Variants in UBA6 observed in about 807,000 individuals in gnomAD.
The protein encoded by UBA6 is ubiquitin-like modifier-activating enzyme 6.
Under a neutral mutation model 148.3 loss-of-function variants are expected in UBA6, and 87 were observed. The observed-to-expected ratio is 0.59, with a 90% CI of 0.49 to 0.70. The LOEUF is 0.70. Among genes scored for constraint, UBA6 ranks in the 30% least tolerant of loss-of-function variants. The pLI, the probability that UBA6 is intolerant of heterozygous loss-of-function variation, is 0.00. For synonymous variants in UBA6, 376 were observed against 401.0 expected (o/e 0.94, Z 0.75); for missense variants, 1,186 against 1,241.2 (o/e 0.96, Z 0.67).
intron 6 of UBA6, 129 bp from the exon 7 acceptor site, chr4:67,673,906 C>G (rs1276741275): frequency 5.8e-6 from 3 of 520,988 alleles, no homozygotes; most frequent in Non-Finnish European, 9.9e-6. Context: ...AAGTTATAAT[C>G]CTACGGAATT....
At chr4:67,657,218 T>C (rs1001629752) in intron 13 of UBA6, among the ~76,000 whole-genome samples, 67 of 152,334 alleles carry the variant, frequency 4.4e-4, no homozygotes, top group African/African-American at 1.6e-3. Flanking sequence ...AGAGCCTGCA[T>C]AGCCAAGACA....
At chr4:67,674,189 C>A (rs1730220166) in intron 6 of UBA6, among the ~76,000 whole-genome samples, 1 of 152,170 alleles carries the variant, frequency 6.6e-6, no homozygotes, top group Non-Finnish European at 1.5e-5. Context: ...TAGTTGGCTA[C>A]TAGAACATGT....
At chr4:67,669,923 G>A (rs1730099137) in intron 8 of UBA6, among the ~76,000 whole-genome samples, 2 of 151,702 alleles carry the variant, frequency 1.3e-5, no homozygotes, top group African/African-American at 4.8e-5. Context: ...ACAAGCAAAT[G>A]TTGCTCTATC....
intron 30 of UBA6, 67 bp from the exon 31 acceptor site, chr4:67,623,289 C>CACA (rs1553904480): frequency 2.7e-6 from 3 of 1,122,886 alleles, no homozygotes; most frequent in Non-Finnish European, 3.9e-6. Flanking sequence ...GACACACACA[C>CACA]AAAAAAAACC....
chr4:67,648,422 C>T (rs556789509), intron 14 of UBA6, among the ~76,000 whole-genome samples: 6 of 148,074 alleles, frequency 4.1e-5, no homozygotes, highest in East Asian at 2.0e-4. Context: ...GAGCTAACAT[C>T]GCGCCATTGC....
rs1247658398 is a variant in UBA6 at position 67,618,019 on chromosome 4, A to G, written c.*978T>C. On this transcript the variant is annotated 3_prime_UTR_variant, in exon 33 of 33. Coordinates refer to ENST00000322244, the MANE Select transcript of UBA6 (RefSeq NM_018227.6). ...CCTTTCTGGGAATGGGAATGAAATA[A>G]CATGCTTCTGTTTAAAAAAAAAAAA... 1 of 150,226 alleles carries G rather than the reference A, an allele frequency of 6.7e-6. No homozygotes were observed. The highest frequency in any genetic ancestry group is 6.7e-5 in the Admixed American group (1 of 14,974). 9.3% of individuals were successfully genotyped at this position (150,226 alleles called of 1,614,324 possible).
At chr4:67,694,642 C>T (rs1297785710) in intron 2 of UBA6, among the ~76,000 whole-genome samples, 2 of 152,140 alleles carry the variant, frequency 1.3e-5, no homozygotes, top group Non-Finnish European at 1.5e-5. Context: ...CGTGATCCAC[C>T]CGCCTCGGCC....
At chr4:67,631,169 T>A (rs1728988783) in intron 25 of UBA6, among the ~76,000 whole-genome samples, 1 of 152,172 alleles carries the variant, frequency 6.6e-6, no homozygotes, top group Non-Finnish European at 1.5e-5. Context: ...AAGACCAGGC[T>A]GGGCCACATA....
intron 9 of UBA6, among the ~76,000 whole-genome samples, chr4:67,668,148 T>C (rs1730054443): frequency 6.6e-6 from 1 of 152,232 alleles, no homozygotes; most frequent in Non-Finnish European, 1.5e-5. Flanking sequence ...ATCTTAAGAC[T>C]TGTGAGCTTA....
At chr4:67,654,862 G>GC (rs1729646889) in intron 13 of UBA6, among the ~76,000 whole-genome samples, 1 of 132,168 alleles carries the variant, frequency 7.6e-6, no homozygotes, top group Non-Finnish European at 1.6e-5. Context: ...CAAATGGAAA[G>GC]AAAAAAAAAA....
chr4:67,658,885 C>T (rs1024560069), intron 13 of UBA6, among the ~76,000 whole-genome samples: 6 of 152,052 alleles, frequency 3.9e-5, no homozygotes, highest in African/African-American at 1.2e-4. Context: ...CCTGAGGGAA[C>T]TTTTTTGCAT....
intron 17 of UBA6, among the ~76,000 whole-genome samples, chr4:67,644,016 GGAAT>G (rs1284931471): frequency 6.6e-6 from 1 of 151,932 alleles, no homozygotes; most frequent in East Asian, 1.9e-4. Context: ...CTTTTGAATT[GGAAT>G]AATAAGCTAA....
chr4:67,623,771 G>A (rs993914015), intron 30 of UBA6, among the ~76,000 whole-genome samples: 2 of 151,862 alleles, frequency 1.3e-5, no homozygotes, highest in African/African-American at 4.8e-5. Flanking sequence ...TTGCCAATCT[G>A]AAAACTAAAA....
rs79128168 is a variant in UBA6 at position 67,614,328 on chromosome 4, C to T, written c.*4669G>A. 1 of 152,168 alleles carries T rather than the reference C, an allele frequency of 6.6e-6. No individual in the cohort carries two copies. The highest frequency in any genetic ancestry group is 1.5e-5 in the Non-Finnish European group (1 of 68,052). 9.4% of individuals were successfully genotyped at this position (152,168 alleles called of 1,614,324 possible). On this transcript the variant is annotated 3_prime_UTR_variant, in exon 33 of 33. Transcript: ENST00000322244. ...TAAAACCAAGATGTACTCTGACCAC[C>T]TGGGGCACATGTTCTCTGGACCTCC...
intron 2 of UBA6, among the ~76,000 whole-genome samples, chr4:67,684,926 A>G (rs1432264086): frequency 3.9e-5 from 6 of 152,164 alleles, no homozygotes; most frequent in Admixed American, 2.6e-4. Flanking sequence ...TATTATTCTC[A>G]TTTTTACAGA....
intron 2 of UBA6, among the ~76,000 whole-genome samples, chr4:67,685,848 T>C (rs1385012716): frequency 6.6e-6 from 1 of 152,162 alleles, no homozygotes; most frequent in Admixed American, 6.5e-5. Context: ...CCTCACCAGA[T>C]ATGACCCCTT....
rs766602294 is a variant in UBA6, at chr4:67,618,973, G to A, written c.*24C>T. On this transcript the variant is annotated 3_prime_UTR_variant, in exon 33 of 33. Coordinates refer to ENST00000322244, the MANE Select transcript of UBA6 (RefSeq NM_018227.6). ...ACTCTTTCCAAAATCAAGTGGTCCT[G>A]GAGTAACGTTAAGACAACTTGTATT... 1 of 1,609,968 alleles carries A rather than the reference G, an allele frequency of 6.2e-7. No homozygotes were observed. Among genetic ancestry groups the A allele is most frequent in the South Asian group, 1.1e-5 (1 of 89,970 alleles).
chr4:67,636,043 T>C (rs981994103), intron 19 of UBA6, among the ~76,000 whole-genome samples: 10 of 152,116 alleles, frequency 6.6e-5, no homozygotes, highest in Non-Finnish European at 1.2e-4. Context: ...AATTCTCCCC[T>C]GTTAATATAT....
chr4:67,669,487 T>C (rs939293967), intron 8 of UBA6, among the ~76,000 whole-genome samples: 1 of 152,180 alleles, frequency 6.6e-6, no homozygotes, highest in Non-Finnish European at 1.5e-5. Flanking sequence ...TAAAGTATAT[T>C]ATCATTCCCT....
Sources: gnomAD v4.1 joint callset for allele counts (sites outside exome capture counted in the v4.1 genomes callset) on GRCh38, gnomAD v4.1.1 for gene constraint, MANE v1.5 for transcripts, NCBI Gene and HGNC (gene_info 2026-07-23, HGNC 2026-07-21) for gene names.